ADAMTS9: variants seen among roughly 807,000 people sequenced by gnomAD.
The protein encoded by ADAMTS9 is A disintegrin and metalloproteinase with thrombospondin motifs 9.
A neutral mutation model predicts 257.1 loss-of-function variants in ADAMTS9; 107 were observed. The ratio of observed to expected loss-of-function variants is 0.42; its 90% confidence interval spans 0.36 to 0.49. The LOEUF (loss-of-function observed/expected upper bound fraction) is 0.49. Among genes scored for constraint, ADAMTS9 ranks in the 20% least tolerant of loss-of-function variants. The pLI is 0.03. For synonymous variants in ADAMTS9, 982 were observed against 880.9 expected (o/e 1.11, Z -2.03); for missense variants, 2,353 against 2,469.1 (o/e 0.95, Z 1.00).
rs368382773 is a variant in ADAMTS9 at position 64,561,769 on chromosome 3, G to A, written c.4525-18C>T. On this transcript the variant is annotated intron_variant, in intron 29 of 39. Transcript: ENST00000498707. Reference sequence around the variant, plus strand: ...ACAGAGCACTAAGAAGACAGAGAACGTAAGTGGGAGCTTCGGCTCATTTAT... The same window carrying A: ...ACAGAGCACTAAGAAGACAGAGAACATAAGTGGGAGCTTCGGCTCATTTAT... 3 of 994,192 alleles carry A rather than the reference G, an allele frequency of 3.0e-6. 1 individual carries two copies. The highest frequency in any genetic ancestry group is 4.7e-5 in the East Asian group (1 of 21,282). 61.6% of individuals were successfully genotyped at this position (994,192 alleles called of 1,614,324 possible). A position where few individuals can be genotyped will look rare whatever the true frequency, so the allele number is the denominator to read the frequency against.
chr3:64,547,110 G>A (rs547459389), intron 31 of ADAMTS9, among the ~76,000 whole-genome samples, 158 bp from the exon 32 acceptor site: 1 of 152,278 alleles, frequency 6.6e-6, no homozygotes, highest in African/African-American at 2.4e-5. Context: ...CAGGCCCTGA[G>A]CGCACAGGAG....
intron 22 of ADAMTS9, 103 bp from the exon 23 acceptor site, chr3:64,607,182 G>C: frequency 6.7e-7 from 1 of 1,485,526 alleles, no homozygotes; most frequent in East Asian, 2.3e-5. Context: ...CATCACAGTA[G>C]GCCAGAGGGC....
At chr3:64,529,982 A>ATTTTTTTT (rs200385291) in intron 38 of ADAMTS9, among the ~76,000 whole-genome samples, 24 of 106,470 alleles carry the variant, frequency 2.3e-4, no homozygotes, top group South Asian at 3.4e-4. Context: ...CAGTTATTTA[A>ATTTTTTTT]TTTTTTTTTT....
chr3:64,615,625 T>C, intron 20 of ADAMTS9, 140 bp from the exon 21 acceptor site: 1 of 933,134 alleles, frequency 1.1e-6, no homozygotes, highest in South Asian at 1.8e-5. Context: ...GTGGAGATCT[T>C]TTCATGTTAT....
intron 22 of ADAMTS9, among the ~76,000 whole-genome samples, chr3:64,612,606 G>A (rs2084687089): frequency 6.6e-6 from 1 of 152,140 alleles, no homozygotes; most frequent in South Asian, 2.1e-4. Flanking sequence ...TGAAGGGAGG[G>A]TCATTCTTCA....
intron 28 of ADAMTS9, among the ~76,000 whole-genome samples, chr3:64,584,311 C>CA (rs975223413): frequency 8.6e-5 from 13 of 151,294 alleles, no homozygotes; most frequent in East Asian, 3.9e-4. Context: ...AAAAGGGAAG[C>CA]AAAAAAAATG....
At chr3:64,685,468 GA>G (rs1432407401) in intron 2 of ADAMTS9, 1 of 152,362 alleles carries the variant, frequency 6.6e-6, no homozygotes, top group Non-Finnish European at 1.5e-5. Flanking sequence ...GGGAGAGACT[GA>G]CCCGGGAAAG....
rs747434056 is a variant in ADAMTS9, at chr3:64,686,522, G to A, written c.516+46C>T. ...GAGGACAATTAAGTCTTCTAGAAGC[G>A]GGCGAGGAGGCGGAAGGGGAGAGGA... On this transcript the variant is annotated intron_variant, in intron 2 of 39. Transcript: ENST00000498707. This position sits in a 1 kb window ranked among gnomAD's most constrained non-coding sequence, Gnocchi z 4.6. 6.5e-6 allele frequency: 10 copies of A among 1,533,794 alleles called. No individual in the cohort carries two copies. The South Asian group carries it at 8.8e-5, about 14-fold the overall frequency.
intron 12 of ADAMTS9, among the ~76,000 whole-genome samples, chr3:64,640,240 T>G (rs1700604479): frequency 1.3e-5 from 2 of 152,292 alleles, no homozygotes; most frequent in Non-Finnish European, 2.9e-5. Context: ...AAAAATAACT[T>G]AATTAATCAT....
intron 3 of ADAMTS9, among the ~76,000 whole-genome samples, chr3:64,666,356 G>A (rs1036203812): frequency 1.3e-5 from 2 of 152,166 alleles, no homozygotes; most frequent in African/African-American, 4.8e-5. Context: ...TATTTTGTAA[G>A]GTTTATCAAA....
chr3:64,636,425 C>G (rs776690527), intron 12 of ADAMTS9, among the ~76,000 whole-genome samples: 3 of 152,092 alleles, frequency 2.0e-5, no homozygotes, highest in Non-Finnish European at 4.4e-5. Flanking sequence ...TCTTGCCAAG[C>G]CTCCGTTTGC....
At chr3:64,675,350 T>C (rs1231208699) in intron 3 of ADAMTS9, among the ~76,000 whole-genome samples, 2 of 152,072 alleles carry the variant, frequency 1.3e-5, no homozygotes, top group African/African-American at 4.8e-5. Flanking sequence ...GAATGGAAAT[T>C]AGATGGTAGT....
intron 28 of ADAMTS9, chr3:64,589,399 T>A (rs947937729): frequency 1.3e-5 from 2 of 152,222 alleles, no homozygotes; most frequent in Non-Finnish European, 2.9e-5. Flanking sequence ...GTTGTTTCTT[T>A]CTGCCAAAAC....
At chr3:64,593,926 G>A (rs1048449272) in intron 28 of ADAMTS9, among the ~76,000 whole-genome samples, 2 of 147,398 alleles carry the variant, frequency 1.4e-5, no homozygotes, top group African/African-American at 5.2e-5. Flanking sequence ...CTATTGAGTT[G>A]TCTGTTAAAA....
chr3:64,649,978 A>G (rs1395831581), intron 9 of ADAMTS9, 200 bp from the exon 10 acceptor site: 1 of 583,576 alleles, frequency 1.7e-6, no homozygotes, highest in Non-Finnish European at 2.9e-6. Context: ...AACCACATGC[A>G]ATGAATACAA....
In ADAMTS9 at chr3:64,649,679, A is replaced by G. The variant is rs756405768; in HGVS notation, c.1563T>C (p.Cys521=). 6.2e-7 allele frequency: 1 copy of G among 1,614,020 alleles called. No individual in the cohort carries two copies. Among genetic ancestry groups the G allele is most frequent in the Non-Finnish European group, 8.5e-7 (1 of 1,179,952 alleles). Residue 521 remains cysteine (C), a synonymous_variant, in exon 10 of 40, where the codon TGT becomes TGC. Transcript: ENST00000498707. ...GAGAACCTGGTCCAAAAATCAATTC[A>G]CATTGTTTATTCACGTTGTAAAGGA... ...PGILYNVNKQ[C]ELIFGPGSQV...
intron 9 of ADAMTS9, chr3:64,650,689 G>T (rs146507097): frequency 4.2e-6 from 1 of 238,994 alleles, no homozygotes; most frequent in Non-Finnish European, 7.9e-6. Flanking sequence ...AAATACCTGT[G>T]GCCTTCATTA....
chr3:64,538,320 T>C (rs1299177855), intron 37 of ADAMTS9, among the ~76,000 whole-genome samples: 1 of 152,188 alleles, frequency 6.6e-6, no homozygotes, highest in African/African-American at 2.4e-5. Context: ...AAGACTATTC[T>C]AGAGCCATTT....
chr3:64,597,498 G>A (rs1162759950), intron 26 of ADAMTS9, among the ~76,000 whole-genome samples: 1 of 152,154 alleles, frequency 6.6e-6, no homozygotes, highest in Non-Finnish European at 1.5e-5. Flanking sequence ...AAACATCATG[G>A]AATGTCATTT....
Sources: gnomAD v4.1 joint callset for allele counts (sites outside exome capture counted in the v4.1 genomes callset) on GRCh38, gnomAD v4.1.1 for gene constraint, Gnocchi (gnomAD v3.1) non-coding constraint, MANE v1.5 for transcripts, NCBI Gene and HGNC (gene_info 2026-07-23, HGNC 2026-07-21) for gene names.